PDZD2: variants seen among roughly 807,000 people sequenced by gnomAD.
The protein encoded by PDZD2 is PDZ domain containing 2, also known as PDZ domain-containing protein 2.
Under a neutral mutation model 220.7 loss-of-function variants are expected in PDZD2, and 90 were observed. The ratio of observed to expected loss-of-function variants is 0.41; its 90% CI spans 0.34 to 0.49. PDZD2 has a LOEUF of 0.49. PDZD2 is among the 20% of genes least tolerant of loss of function. PDZD2 has a pLI of 0.28. For synonymous variants in PDZD2, 1,375 were observed against 1,450.5 expected (o/e 0.95, Z 1.18); for missense variants, 3,174 against 3,608.5 (o/e 0.88, Z 3.08).
chr5:31,815,245 C>CAAAAAA (rs59040987), intron 2 of PDZD2, among the ~76,000 whole-genome samples: 218 of 57,802 alleles, frequency 3.8e-3, no homozygotes, highest in African/African-American at 6.4e-3. Flanking sequence ...AACTCTGTCT[C>CAAAAAA]AAAAAAAAAA....
At chr5:31,655,331 C>A (rs1745506410) in intron 1 of PDZD2, among the ~76,000 whole-genome samples, 1 of 152,120 alleles carries the variant, frequency 6.6e-6, no homozygotes, top group Non-Finnish European at 1.5e-5. Context: ...CACCACCACG[C>A]CCAGCTAATT....
intron 1 of PDZD2, among the ~76,000 whole-genome samples, chr5:31,784,680 A>G (rs1753271196): frequency 1.3e-5 from 2 of 150,950 alleles, no homozygotes; most frequent in African/African-American, 4.9e-5. Context: ...AGACCAAGGC[A>G]GGTGGATCAC....
chr5:31,864,492 AC>A (rs1450584592), intron 2 of PDZD2, among the ~76,000 whole-genome samples: 1 of 150,986 alleles, frequency 6.6e-6, no homozygotes, highest in African/African-American at 2.4e-5. Context: ...AATGCCAGTT[AC>A]GTTTACTACA....
At chr5:31,916,771 G>C (rs1013886936) in intron 2 of PDZD2, among the ~76,000 whole-genome samples, 2 of 152,132 alleles carry the variant, frequency 1.3e-5, no homozygotes, top group Non-Finnish European at 2.9e-5. Context: ...ATTTCATCTA[G>C]CTAGAGGTAA....
chr5:32,077,015 A>G (rs1741364259), intron 18 of PDZD2, among the ~76,000 whole-genome samples: 1 of 152,206 alleles, frequency 6.6e-6, no homozygotes, highest in Non-Finnish European at 1.5e-5. Context: ...AAAGTAATGG[A>G]CACTTAGCCA....
At chr5:31,894,880 T>C (rs534222678) in intron 2 of PDZD2, among the ~76,000 whole-genome samples, 2 of 152,132 alleles carry the variant, frequency 1.3e-5, no homozygotes, top group East Asian at 3.9e-4. Flanking sequence ...CTTGCTCTCC[T>C]TTCCCTTTCC....
chr5:31,988,443 G>GT (rs565446170), intron 3 of PDZD2, among the ~76,000 whole-genome samples: 1 of 147,742 alleles, frequency 6.8e-6, no homozygotes, highest in African/African-American at 2.5e-5. Flanking sequence ...GATGGGGGTG[G>GT]GGGGGGTGCA....
chr5:32,025,553 A>G (rs1754575408), intron 6 of PDZD2, among the ~76,000 whole-genome samples: 1 of 128,464 alleles, frequency 7.8e-6, no homozygotes, highest in Non-Finnish European at 1.6e-5. Flanking sequence ...AAACAAACAA[A>G]CAAAAAACAA....
At chr5:32,094,270 T>G (rs570209881) in intron 21 of PDZD2, among the ~76,000 whole-genome samples, 1 of 152,264 alleles carries the variant, frequency 6.6e-6, no homozygotes, top group Admixed American at 6.5e-5. Flanking sequence ...CAATAAACAT[T>G]GACAGAAGAA....
chr5:31,963,714 G>A (rs1748456399), intron 2 of PDZD2, among the ~76,000 whole-genome samples: 1 of 152,218 alleles, frequency 6.6e-6, no homozygotes, highest in African/African-American at 2.4e-5. Flanking sequence ...CCAGCTGATG[G>A]ACCGGGAAGC....
In PDZD2 at chr5:32,098,451, C is replaced by A. The variant is rs1216942275; in HGVS notation, c.8035C>A (p.Leu2679Met). 6.2e-7 allele frequency: 1 copy of A among 1,614,082 alleles called. No individual in the cohort carries two copies. The highest frequency in any genetic ancestry group is 8.5e-7 in the Non-Finnish European group (1 of 1,180,032). ...CCTTCTGTCAGTCAACGGCGCCTCA[C>A]TGGCTGGCTTAGCCCACGGGAATGT... ...DFLLSVNGAS[L>M]AGLAHGNVLK... The change falls in exon 23 of 25, where the codon CTG becomes ATG. Residue 2679 changes from leucine to methionine, a missense_variant. Leu to Met is a conservative substitution (Grantham distance 15). Transcript: ENST00000438447. The surrounding 1 kb of genome is among the most constrained non-coding windows in gnomAD (Gnocchi z 4.1).
At chr5:32,013,847 G>A (rs1753517119) in intron 6 of PDZD2, among the ~76,000 whole-genome samples, 1 of 152,084 alleles carries the variant, frequency 6.6e-6, no homozygotes, top group Non-Finnish European at 1.5e-5. Context: ...CGGGCTTCAT[G>A]CCTGGCCATC....
rs1740997367 is a variant in PDZD2, at chr5:32,073,836, C to T, written c.2730C>T (p.His910=). The change falls in exon 18 of 25, where the codon CAC becomes CAT. Residue 910 remains histidine (H), a synonymous_variant. Transcript: ENST00000438447. ...TTCTGTCCCCACCTCCACCAGCTCA[C>T]AAGGAGCCTGGAAAACCCAGAGCCA... ...EGSLPPSTST[H]KEPGKPRANS... is the part of the protein sequence containing the mutation. The T allele has an allele frequency of 6.2e-7, 1 of 1,604,906 alleles. No homozygotes were observed. Among genetic ancestry groups the T allele is most frequent in the Non-Finnish European group, 8.5e-7 (1 of 1,176,424 alleles).
chr5:32,089,837 T>G lies in PDZD2; in HGVS notation c.6389T>G (p.Ile2130Ser). ...GGCAACTGTCAGGAGAAGAGTGAAA[T>G]CAGGCTCTATCGCCAGGTCGCAGAA... ...AQGNCQEKSE[I>S]RLYRQVAESS... The change falls in exon 20 of 25, where the codon ATC (isoleucine) becomes AGC (serine). Residue 2130 changes from isoleucine to serine, a missense_variant. Physicochemically the swap from Ile to Ser is moderately radical, Grantham distance 142. This residue lies in a region of PDZD2 where 1,861 missense variants were observed against 2,001.0 expected (regional missense o/e 0.93). Transcript: ENST00000438447. The G allele has an allele frequency of 6.2e-7, 1 of 1,613,368 alleles. No homozygotes were observed. Among genetic ancestry groups the G allele is most frequent in the Non-Finnish European group, 8.5e-7 (1 of 1,179,512 alleles).
intron 1 of PDZD2, among the ~76,000 whole-genome samples, chr5:31,796,135 A>T (rs1375159261): frequency 3.3e-5 from 5 of 151,980 alleles, no homozygotes; most frequent in Admixed American, 3.3e-4. Context: ...GTAATTAACA[A>T]CTCGAGTTGC....
intron 1 of PDZD2, among the ~76,000 whole-genome samples, chr5:31,773,364 C>T (rs373218772): frequency 5.3e-5 from 8 of 152,074 alleles, no homozygotes; most frequent in South Asian, 4.1e-4. Context: ...GAAAGGCAGA[C>T]GCGGTGGCTC....
chr5:32,097,189 T>C, intron 21 of PDZD2, 90 bp from the exon 22 acceptor site: 2 of 828,406 alleles, frequency 2.4e-6, no homozygotes, highest in Admixed American at 1.8e-5. Flanking sequence ...ACATCAGAGC[T>C]TCCTTACTCC....
At chr5:31,805,099 G>A (rs947366897) in intron 2 of PDZD2, among the ~76,000 whole-genome samples, 6 of 152,202 alleles carry the variant, frequency 3.9e-5, no homozygotes, top group Admixed American at 1.3e-4. Flanking sequence ...GGAGGCTTAG[G>A]CAGGAGAATC....
At chr5:31,850,550 A>C (rs2150297923) in intron 2 of PDZD2, among the ~76,000 whole-genome samples, 1 of 152,048 alleles carries the variant, frequency 6.6e-6, no homozygotes, top group Admixed American at 6.6e-5. Flanking sequence ...TGGAGATTGC[A>C]CAGTGTTATC....
Sources: gnomAD v4.1 joint callset for allele counts (sites outside exome capture counted in the v4.1 genomes callset) on GRCh38, gnomAD v4.1.1 for gene constraint, gnomAD v4.1.1 regional missense constraint, Gnocchi (gnomAD v3.1) non-coding constraint, MANE v1.5 for transcripts, NCBI Gene and HGNC (gene_info 2026-07-23, HGNC 2026-07-21) for gene names.